Variants in PTCD1 observed in about 807,000 individuals in gnomAD.
PTCD1 encodes the protein pentatricopeptide repeat-containing protein 1, mitochondrial.
A neutral mutation model predicts 53.4 loss-of-function variants in PTCD1; 50 were observed. The ratio of observed to expected loss-of-function variants is 0.94; its 90% CI spans 0.75 to 1.19. The LOEUF is 1.19. Ranked by LOEUF, PTCD1 falls within the 50% of genes most tolerant of loss-of-function variation. PTCD1 has a pLI of 0.00. For synonymous variants in PTCD1, 413 were observed against 394.8 expected (o/e 1.05, Z -0.55); for missense variants, 918 against 904.8 (o/e 1.01, Z -0.19).
chr7:99,431,673 G>A (rs1243691837), intron 3 of PTCD1, among the ~76,000 whole-genome samples: 2 of 152,148 alleles, frequency 1.3e-5, no homozygotes, highest in Non-Finnish European at 2.9e-5. Flanking sequence ...CCCAGGAGGC[G>A]GAGGTTCCAG....
At chr7:99,421,580 TAAAA>T (rs1255958525) in intron 7 of PTCD1, among the ~76,000 whole-genome samples, 1 of 126,660 alleles carries the variant, frequency 7.9e-6, no homozygotes, top group Non-Finnish European at 1.7e-5. Flanking sequence ...CCGTCTCTAC[TAAAA>T]AAAAAAAAAA....
intron 1 of PTCD1, 146 bp from the exon 2 acceptor site, chr7:99,435,414 A>G (rs1388382400): frequency 1.0e-5 from 11 of 1,061,932 alleles, no homozygotes; most frequent in South Asian, 3.1e-5. Flanking sequence ...CGAGGCTGGC[A>G]TATCACTTGA....
Position 99,429,726 on chromosome 7 carries a change from G to A in PTCD1, c.675C>T (p.Asp225=). The A allele has an allele frequency of 6.2e-7, 1 of 1,614,246 alleles. No individual in the cohort carries two copies. The highest frequency in any genetic ancestry group is 8.5e-7 in the Non-Finnish European group (1 of 1,180,046). ...FNVCAESPWK[D]SALQSALKLR... ...GCTTCAGGGCGCTCTGTAGAGCTGA[G>A]TCCTTCCAGGGGGACTCGGCACAGA... Residue 225 remains aspartate, a synonymous_variant, in exon 4 of 8, where the codon GAC becomes GAT. Transcript: ENST00000292478.
At chr7:99,424,771 C>T in intron 6 of PTCD1, 24 bp downstream of exon 6, 2 of 1,613,362 alleles carry the variant, frequency 1.2e-6, no homozygotes, top group Non-Finnish European at 1.7e-6. Context: ...CATGGGTGTC[C>T]TGCCCAGGCC....
Position 99,417,944 on chromosome 7 carries a change from G to T in PTCD1, c.*2023C>A. 8.1e-7 allele frequency: 1 copy of T among 1,241,392 alleles called. No homozygotes were observed. Among genetic ancestry groups the T allele is most frequent in the Non-Finnish European group, 1.0e-6 (1 of 978,600 alleles). 76.9% of individuals were successfully genotyped at this position (1,241,392 alleles called of 1,614,324 possible). A position where few individuals can be genotyped will look rare whatever the true frequency, so the allele number is the denominator to read the frequency against. On this transcript the variant is annotated 3_prime_UTR_variant, in exon 8 of 8. Transcript: ENST00000292478. ...GTTCCTGTCCCTTTCAGTCCTCACA[G>T]TGATACTTTAACATTACCATCACTA... is the stretch of plus-strand genomic sequence containing the variant.
At chr7:99,420,206 C>A in intron 7 of PTCD1, 57 bp from the exon 8 acceptor site, 1 of 1,610,940 alleles carries the variant, frequency 6.2e-7, no homozygotes, top group Middle Eastern at 1.7e-4. Flanking sequence ...TAATCCCAAA[C>A]CTCGGCAGCT....
At position 99,427,078 on chromosome 7, in the gene PTCD1, G is replaced by A. The variant is rs1796061270; in HGVS notation, c.916-1462C>T. Among the ~76,000 whole-genome samples the A allele has an allele frequency of 3.3e-5, 5 of 151,924 alleles. No homozygotes were observed. The South Asian group carries it at 8.3e-4, about 25-fold the overall frequency. ...CGCCCGGCAGCCACCCCGTCCGGGA[G>A]GGAGGTGGGGGTCAGCCCCCGCCAG... On this transcript the variant is annotated intron_variant, in intron 5 of 7. Coordinates refer to ENST00000292478, the MANE Select transcript of PTCD1 (RefSeq NM_015545.4).
rs768230846 is a variant in PTCD1, at chr7:99,425,472, G to A, written c.1060C>T (p.Leu354Phe). 2 of 1,613,558 alleles carry A rather than the reference G, an allele frequency of 1.2e-6. No homozygotes were observed. The highest frequency in any genetic ancestry group is 8.5e-7 in the Non-Finnish European group (1 of 1,179,844). Residue 354 changes from leucine (L) to phenylalanine (F), a missense_variant, in exon 6 of 8, where the codon CTT becomes TTT. Leu to Phe is a conservative substitution (Grantham distance 22). Coordinates refer to ENST00000292478, the MANE Select transcript of PTCD1 (RefSeq NM_015545.4). Reference protein sequence around the residue: ...LLKPREEATVLQPPVSRQRPR... With the variant: ...LLKPREEATVFQPPVSRQRPR... ...CGCTGCCTGCTCACTGGGGGCTGAAGCACAGTCGCCTCCTCCCTGGGCTTC... is the reference window on the plus strand; with the variant it reads ...CGCTGCCTGCTCACTGGGGGCTGAAACACAGTCGCCTCCTCCCTGGGCTTC...
chr7:99,418,452 C>T lies in PTCD1; in HGVS notation c.*1515G>A. 1 of 153,312 alleles carries T rather than the reference C, an allele frequency of 6.5e-6. No individual in the cohort carries two copies. The highest frequency in any genetic ancestry group is 1.5e-5 in the Non-Finnish European group (1 of 68,854). 9.5% of individuals were successfully genotyped at this position (153,312 alleles called of 1,614,324 possible). A position where few individuals can be genotyped will look rare whatever the true frequency, so the allele number is the denominator to read the frequency against. ...TGCAGCCCCTCAGCACAGTTGTTGGCCCCACCGCCCATCTGCCAGCCTGGC... is the reference window on the plus strand; with the variant it reads ...TGCAGCCCCTCAGCACAGTTGTTGGTCCCACCGCCCATCTGCCAGCCTGGC... On this transcript the variant is annotated 3_prime_UTR_variant, in exon 8 of 8. Coordinates refer to ENST00000292478, the MANE Select transcript of PTCD1 (RefSeq NM_015545.4).
At chr7:99,437,585 G>C (rs1218012673) in intron 1 of PTCD1, among the ~76,000 whole-genome samples, 1 of 152,162 alleles carries the variant, frequency 6.6e-6, no homozygotes, top group Non-Finnish European at 1.5e-5. Flanking sequence ...TTACAGCCGT[G>C]AGCCACCGCG....
intron 3 of PTCD1, among the ~76,000 whole-genome samples, chr7:99,430,657 A>G (rs1482436225): frequency 1.3e-5 from 2 of 152,226 alleles, no homozygotes; most frequent in African/African-American, 4.8e-5. Context: ...TGCACTCCAC[A>G]GAGGTGCACT....
intron 2 of PTCD1, 64 bp downstream of exon 2, chr7:99,434,726 T>C (rs1796393248): frequency 1.2e-6 from 2 of 1,606,606 alleles, no homozygotes. Context: ...AGGTGACCCC[T>C]TGCAAAACAC....
rs1795975299 is a variant in PTCD1 at position 99,425,347 on chromosome 7, T to C, written c.1185A>G (p.Ala395=). ...CTTCCGGAGGCTCTGGAGGCCCAAGTGCCTGAGAAGGTTCCAGAAACAGCT... is the reference window on the plus strand; with the variant it reads ...CTTCCGGAGGCTCTGGAGGCCCAAGCGCCTGAGAAGGTTCCAGAAACAGCT... ...ERQLFLEPSQ[A]LGPPEPPEAR... Residue 395 remains alanine (A), a synonymous_variant, in exon 6 of 8, where the codon GCA becomes GCG. Transcript: ENST00000292478. The C allele has an allele frequency of 6.2e-7, 1 of 1,614,054 alleles. No individual in the cohort carries two copies. The highest frequency in any genetic ancestry group is 8.5e-7 in the Non-Finnish European group (1 of 1,180,030).
chr7:99,435,458 G>A (rs1796424854), intron 1 of PTCD1, among the ~76,000 whole-genome samples, 190 bp from the exon 2 acceptor site: 1 of 151,168 alleles, frequency 6.6e-6, no homozygotes, highest in South Asian at 2.1e-4. Flanking sequence ...GGACAACATG[G>A]TGAAACCCCG....
intron 7 of PTCD1, among the ~76,000 whole-genome samples, chr7:99,423,108 C>G (rs1315822931): frequency 2.0e-5 from 3 of 149,824 alleles, no homozygotes. Flanking sequence ...AAGTCTCCAT[C>G]TATCGCCCAG....
chr7:99,436,159 T>A (rs1584469769), intron 1 of PTCD1, among the ~76,000 whole-genome samples: 1 of 151,998 alleles, frequency 6.6e-6, no homozygotes, highest in South Asian at 2.1e-4. Flanking sequence ...CCCAGGCTGG[T>A]CTTGAACTCC....
chr7:99,432,391 C>T (rs193128847), intron 3 of PTCD1, among the ~76,000 whole-genome samples: 6 of 152,328 alleles, frequency 3.9e-5, no homozygotes, highest in African/African-American at 1.2e-4. Flanking sequence ...CTCTTTGATG[C>T]ACGAGATGTT....
At chr7:99,430,983 G>A (rs1222794485) in intron 3 of PTCD1, among the ~76,000 whole-genome samples, 1 of 152,046 alleles carries the variant, frequency 6.6e-6, no homozygotes, top group Non-Finnish European at 1.5e-5. Context: ...GCTGAGGCAG[G>A]AGAATTGCTT....
intron 3 of PTCD1, among the ~76,000 whole-genome samples, 182 bp from the exon 4 acceptor site, chr7:99,429,988 C>A (rs754945752): frequency 1.4e-4 from 21 of 152,160 alleles, no homozygotes; most frequent in Non-Finnish European, 2.8e-4. Context: ...ATTGAAGGGA[C>A]TCTGAAAACT....
Sources: allele counts gnomAD v4.1 joint callset (sites outside exome capture counted in the v4.1 genomes callset), GRCh38; gene constraint gnomAD v4.1.1; transcripts MANE v1.5; gene names NCBI Gene and HGNC (gene_info 2026-07-23, HGNC 2026-07-21).